RAPGEF4: variants seen among roughly 807,000 people sequenced by gnomAD.
The protein encoded by RAPGEF4 is Rap guanine nucleotide exchange factor 4, also known as RAP guanine-nucleotide-exchange factor (GEF) 4.
Under a neutral mutation model 147.9 loss-of-function variants are expected in RAPGEF4, and 66 were observed. The ratio of observed to expected loss-of-function variants is 0.45; its 90% CI spans 0.37 to 0.55. RAPGEF4 has a LOEUF of 0.55. Among genes scored for constraint, RAPGEF4 ranks in the 20% least tolerant of loss-of-function variants. RAPGEF4 has a pLI of 0.00. For missense variants in RAPGEF4, 1,071 were observed against 1,257.3 expected, an observed-to-expected ratio of 0.85 and a Z score of 2.24; for synonymous variants, 419 against 442.7, an observed-to-expected ratio of 0.95 and a Z score of 0.67.
At chr2:172,802,515 A>G (rs1422541849) in intron 3 of RAPGEF4, among the ~76,000 whole-genome samples, 2 of 152,172 alleles carry the variant, frequency 1.3e-5, no homozygotes, top group African/African-American at 4.8e-5. Flanking sequence ...ATTACCTTCC[A>G]CCAGGTTCTT....
intron 4 of RAPGEF4, among the ~76,000 whole-genome samples, chr2:172,905,212 T>C (rs1276682789): frequency 1.3e-5 from 2 of 152,190 alleles, no homozygotes; most frequent in African/African-American, 4.8e-5. Flanking sequence ...ATGCACCCTA[T>C]ACTTTTTTTC....
intron 1 of RAPGEF4, among the ~76,000 whole-genome samples, chr2:172,741,964 T>G (rs1435604714): frequency 1.3e-5 from 2 of 152,234 alleles, no homozygotes; most frequent in Non-Finnish European, 2.9e-5. Context: ...TAAGCCACTG[T>G]GCCCAGCCAG....
rs987290213 is a variant in RAPGEF4 at position 172,753,122 on chromosome 2, C to T, written c.65+17074C>T. Among the ~76,000 whole-genome samples the T allele has an allele frequency of 6.6e-5, 10 of 151,860 alleles. No homozygotes were observed. The East Asian group carries it at 7.7e-4, about 12-fold the overall frequency. On this transcript the variant is annotated intron_variant, in intron 1 of 30. Coordinates refer to ENST00000397081, the MANE Select transcript of RAPGEF4 (RefSeq NM_007023.4). ...AGAAATGAGCAATGAAACTGCTTCT[C>T]GGAGGAACTTACAGGAATAAAAAAT...
At chr2:173,031,311 G>A (rs1027333270) in intron 26 of RAPGEF4, among the ~76,000 whole-genome samples, 5 of 152,164 alleles carry the variant, frequency 3.3e-5, no homozygotes, top group Non-Finnish European at 7.3e-5. Context: ...TGAGGCCTGC[G>A]TGCCATGCAG....
At chr2:173,020,070 T>C (rs1481117125) in intron 22 of RAPGEF4, among the ~76,000 whole-genome samples, 1 of 152,258 alleles carries the variant, frequency 6.6e-6, no homozygotes, top group Non-Finnish European at 1.5e-5. Context: ...TAAATGTTTA[T>C]TAAATGAACT....
intron 1 of RAPGEF4, among the ~76,000 whole-genome samples, chr2:172,792,155 C>A (rs532887766): frequency 5.6e-4 from 85 of 152,330 alleles, no homozygotes; most frequent in African/African-American, 2.0e-3. Flanking sequence ...GCTCTGCCTC[C>A]CGGGAAGTGT....
intron 6 of RAPGEF4, among the ~76,000 whole-genome samples, chr2:172,956,119 T>C (rs1008043539): frequency 3.3e-5 from 5 of 152,222 alleles, no homozygotes; most frequent in African/African-American, 1.2e-4. Context: ...GAGGCATCTC[T>C]AGTAGTGGCC....
chr2:172,838,232 C>T (rs1691179985), intron 4 of RAPGEF4, among the ~76,000 whole-genome samples: 1 of 152,062 alleles, frequency 6.6e-6, no homozygotes, highest in African/African-American at 2.4e-5. Context: ...GTTTATTTCT[C>T]TGTGGATATC....
intron 1 of RAPGEF4, among the ~76,000 whole-genome samples, chr2:172,793,967 CA>C (rs1236079858): frequency 6.6e-6 from 1 of 151,944 alleles, no homozygotes; most frequent in African/African-American, 2.4e-5. Flanking sequence ...GAAACCCCGC[CA>C]GTACAAAAAA....
At chr2:172,973,519 T>C (rs1448149623) in intron 10 of RAPGEF4, among the ~76,000 whole-genome samples, 2 of 152,180 alleles carry the variant, frequency 1.3e-5, no homozygotes, top group Non-Finnish European at 2.9e-5. Flanking sequence ...AGAAAGATGC[T>C]GGGAAAGTTC....
intron 6 of RAPGEF4, among the ~76,000 whole-genome samples, chr2:172,925,149 TTTTCTA>T (rs1685154799): frequency 6.6e-6 from 1 of 152,148 alleles, no homozygotes; most frequent in African/African-American, 2.4e-5. Flanking sequence ...CTGGCTAATT[TTTTCTA>T]TTTTTAGTAG....
intron 29 of RAPGEF4, among the ~76,000 whole-genome samples, chr2:173,047,745 C>A (rs1021996866): frequency 6.6e-6 from 1 of 151,570 alleles, no homozygotes. Flanking sequence ...GGCGCGATCT[C>A]GGCTCACTGC....
intron 6 of RAPGEF4, among the ~76,000 whole-genome samples, chr2:172,960,086 C>A (rs2105453547): frequency 6.6e-6 from 1 of 152,176 alleles, no homozygotes; most frequent in East Asian, 1.9e-4. Context: ...GAGCAAGACC[C>A]CATCTATTTA....
intron 6 of RAPGEF4, among the ~76,000 whole-genome samples, chr2:172,938,794 A>C (rs1686857158): frequency 6.6e-6 from 1 of 152,232 alleles, no homozygotes; most frequent in African/African-American, 2.4e-5. Context: ...ATCATACAGA[A>C]TAGTTTTACT....
Position 172,998,037 on chromosome 2 carries a change from A to C in RAPGEF4, c.1579+1483A>C, listed in dbSNP as rs371757147. ...ATTTGTTGAGTATCTTGTTGGGCAG[A>C]CACTAAGCTAGATGCTTTGGACTAG... On this transcript the variant is annotated intron_variant, in intron 16 of 30. Transcript: ENST00000397081. Among the ~76,000 whole-genome samples the C allele has an allele frequency of 2.0e-5, 3 of 152,354 alleles. 1 individual carries two copies. The highest frequency in any genetic ancestry group is 7.2e-5 in the African/African-American group (3 of 41,582).
chr2:172,886,803 A>T (rs1291378879), intron 4 of RAPGEF4, among the ~76,000 whole-genome samples: 1 of 151,472 alleles, frequency 6.6e-6, no homozygotes, highest in Non-Finnish European at 1.5e-5. Context: ...GTGGGACATG[A>T]TGCCCTATGC....
intron 8 of RAPGEF4, among the ~76,000 whole-genome samples, chr2:172,963,242 T>C (rs1484436587): frequency 1.3e-5 from 2 of 152,170 alleles, no homozygotes; most frequent in Non-Finnish European, 2.9e-5. Flanking sequence ...GAGATGAGAT[T>C]TGTGGGGGAC....
intron 17 of RAPGEF4, 47 bp from the exon 18 acceptor site, chr2:173,014,417 T>G: frequency 6.2e-7 from 1 of 1,610,332 alleles, no homozygotes; most frequent in Non-Finnish European, 8.5e-7. Context: ...AAGTAGCATG[T>G]GAAATGAGTG....
chr2:173,018,393 C>T (rs1294833019), intron 21 of RAPGEF4, among the ~76,000 whole-genome samples: 2 of 152,176 alleles, frequency 1.3e-5, no homozygotes, highest in Admixed American at 6.5e-5. Context: ...AATTTTTTCC[C>T]ATGACCTCTT....
Sources: allele counts gnomAD v4.1 joint callset (sites outside exome capture counted in the v4.1 genomes callset), GRCh38; gene constraint gnomAD v4.1.1; transcripts MANE v1.5; gene names NCBI Gene and HGNC (gene_info 2026-07-23, HGNC 2026-07-21).